The following ANKS1B variants were observed in gnomAD, a reference collection of about 807,000 sequenced individuals.
ANKS1B encodes the protein ankyrin repeat and sterile alpha motif domain-containing protein 1B.
Under a neutral mutation model 148.3 loss-of-function variants are expected in ANKS1B, and 36 were observed. That is an observed-to-expected ratio of 0.24 (90% CI 0.19 to 0.32). The LOEUF is 0.32. ANKS1B is among the 10% of genes least tolerant of loss of function. ANKS1B has a pLI of 1.00. For synonymous variants in ANKS1B, 542 were observed against 560.8 expected (o/e 0.97, Z 0.47); for missense variants, 1,157 against 1,542.6 (o/e 0.75, Z 4.19).
chr12:99,119,395 G>T (rs926343151), intron 15 of ANKS1B, among the ~76,000 whole-genome samples: 2 of 152,144 alleles, frequency 1.3e-5, no homozygotes, highest in African/African-American at 4.8e-5. Flanking sequence ...TTGAATTCCT[G>T]TTCTCCAAAA....
intron 12 of ANKS1B, among the ~76,000 whole-genome samples, chr12:99,254,910 G>T (rs2075078379): frequency 6.6e-6 from 1 of 152,054 alleles, no homozygotes; most frequent in Non-Finnish European, 1.5e-5. Flanking sequence ...TGCTAGATTT[G>T]GTTTGTTAGT....
intron 1 of ANKS1B, among the ~76,000 whole-genome samples, chr12:99,966,133 C>T (rs1005055336): frequency 1.9e-4 from 29 of 152,016 alleles, no homozygotes; most frequent in African/African-American, 6.8e-4. Context: ...GAACTTAATC[C>T]CAATAAAGAC....
intron 10 of ANKS1B, among the ~76,000 whole-genome samples, chr12:99,460,247 C>G (rs945791149): frequency 1.3e-5 from 2 of 152,126 alleles, no homozygotes; most frequent in Non-Finnish European, 2.9e-5. Flanking sequence ...CATCTCTCCC[C>G]TTAAACAAAA....
At chr12:99,854,451 T>A (rs2088627024) in intron 1 of ANKS1B, among the ~76,000 whole-genome samples, 1 of 152,138 alleles carries the variant, frequency 6.6e-6, no homozygotes, top group Admixed American at 6.5e-5. Context: ...AGAAGAGAAA[T>A]CTAAAAGTTT....
At chr12:99,410,536 G>C (rs964523946) in intron 11 of ANKS1B, among the ~76,000 whole-genome samples, 8 of 152,158 alleles carry the variant, frequency 5.3e-5, no homozygotes, top group African/African-American at 1.7e-4. Context: ...GGGTGTGGTT[G>C]CAGGCTCCTG....
intron 9 of ANKS1B, among the ~76,000 whole-genome samples, chr12:99,575,708 C>T (rs2097511495): frequency 6.6e-6 from 1 of 151,994 alleles, no homozygotes; most frequent in African/African-American, 2.4e-5. Flanking sequence ...GGGTCCCTCC[C>T]ACAACACATG....
intron 9 of ANKS1B, among the ~76,000 whole-genome samples, chr12:99,616,162 C>T (rs535097167): frequency 4.6e-5 from 7 of 152,244 alleles, no homozygotes; most frequent in Admixed American, 1.3e-4. Flanking sequence ...AATGGAAAAA[C>T]GTTCCATGCT....
chr12:99,754,111 C>T (rs2061358404), intron 8 of ANKS1B, among the ~76,000 whole-genome samples: 1 of 152,014 alleles, frequency 6.6e-6, no homozygotes, highest in African/African-American at 2.4e-5. Flanking sequence ...GCAAGAGACT[C>T]ATCTCACATG....
chr12:98,992,408 G>A (rs961013032), intron 17 of ANKS1B, among the ~76,000 whole-genome samples: 3 of 152,138 alleles, frequency 2.0e-5, no homozygotes, highest in Admixed American at 6.6e-5. Context: ...TGTGTCAAGG[G>A]AGGGAGGTGA....
At chr12:99,186,988 C>T (rs555577154) in intron 14 of ANKS1B, among the ~76,000 whole-genome samples, 19 of 149,440 alleles carry the variant, frequency 1.3e-4, no homozygotes, top group African/African-American at 3.7e-4. Flanking sequence ...TAGAGAAGAA[C>T]ATAAACGACC....
At chr12:98,843,555 A>G (rs1346490146) in intron 17 of ANKS1B, among the ~76,000 whole-genome samples, 2 of 152,228 alleles carry the variant, frequency 1.3e-5, no homozygotes, top group South Asian at 4.1e-4. Flanking sequence ...ATGTTCTGTT[A>G]TAGCAACACA....
chr12:99,861,032 G>A (rs2089953943), intron 1 of ANKS1B, among the ~76,000 whole-genome samples: 1 of 152,176 alleles, frequency 6.6e-6, no homozygotes, highest in Non-Finnish European at 1.5e-5. Context: ...GCCAATCACA[G>A]CAGCTGAGCT....
chr12:99,628,017 AT>A (rs942171768), intron 9 of ANKS1B, among the ~76,000 whole-genome samples: 1 of 152,128 alleles, frequency 6.6e-6, no homozygotes, highest in African/African-American at 2.4e-5. Flanking sequence ...GCATTAGGTG[AT>A]TTCATCGTTG....
chr12:99,307,794 C>G (rs1270063609), intron 12 of ANKS1B, among the ~76,000 whole-genome samples: 1 of 151,706 alleles, frequency 6.6e-6, no homozygotes, highest in Non-Finnish European at 1.5e-5. Context: ...TTTGCTACAT[C>G]AAATGTGATC....
At chr12:99,823,316 C>CTAAT in intron 2 of ANKS1B, among the ~76,000 whole-genome samples, 1 of 151,946 alleles carries the variant, frequency 6.6e-6, no homozygotes, top group South Asian at 2.1e-4. Flanking sequence ...TCAATTTTAT[C>CTAAT]TATTTATTTA....
chr12:99,201,169 C>T (rs2712665), intron 14 of ANKS1B, among the ~76,000 whole-genome samples: 120,020 of 152,084 alleles, frequency 0.79, 48,456 homozygotes, highest in East Asian at 0.99. Context: ...GGCCTGATCA[C>T]GCATGGTGTA....
At chr12:99,136,095 A>G (rs2067954132) in intron 15 of ANKS1B, among the ~76,000 whole-genome samples, 1 of 152,240 alleles carries the variant, frequency 6.6e-6, no homozygotes, top group African/African-American at 2.4e-5. Context: ...AAGATTAAAC[A>G]GGGTTAAAGA....
chr12:99,974,086 C>T (rs1018745351), intron 1 of ANKS1B, among the ~76,000 whole-genome samples: 6 of 152,210 alleles, frequency 3.9e-5, no homozygotes, highest in Non-Finnish European at 7.3e-5. Flanking sequence ...GAAATTGCCA[C>T]AGCCATCCCA....
Position 99,408,926 on chromosome 12 carries a change from T to C in ANKS1B, c.1576-9115A>G, listed in dbSNP as rs2094596931. ...GGAATGTAAATTACTACAACCAATG[T>C]AGAGAAAAATGGAGATTTTGGAGGT... is the stretch of plus-strand genomic sequence containing the variant. On this transcript the variant is annotated intron_variant, in intron 11 of 26. Transcript: ENST00000683438. Among the ~76,000 whole-genome samples the C allele has an allele frequency of 1.8e-5, 2 of 112,666 alleles. 1 individual carries two copies. The highest frequency in any genetic ancestry group is 3.9e-5 in the Non-Finnish European group (2 of 50,748). 73.9% of individuals were successfully genotyped at this position (112,666 alleles called of 152,430 possible).
Sources: gnomAD v4.1 joint callset for allele counts (sites outside exome capture counted in the v4.1 genomes callset) on GRCh38, gnomAD v4.1.1 for gene constraint, MANE v1.5 for transcripts, NCBI Gene and HGNC (gene_info 2026-07-23, HGNC 2026-07-21) for gene names.